The following XRCC5 variants were observed in gnomAD, a reference collection of about 807,000 sequenced individuals.
XRCC5 encodes the protein DNA repair protein Ku80.
Under a neutral mutation model 95.7 loss-of-function variants are expected in XRCC5, and 12 were observed. That is an observed-to-expected ratio of 0.13 (90% confidence interval 0.08 to 0.20). The LOEUF (loss-of-function observed/expected upper bound fraction) is 0.20. XRCC5 is among the 10% of genes least tolerant of loss of function. The pLI, the probability that XRCC5 is intolerant of heterozygous loss-of-function variation, is 1.00. For missense variants in XRCC5, 595 were observed against 873.9 expected, an observed-to-expected ratio of 0.68 and a Z score of 4.02; for synonymous variants, 281 against 290.3, an observed-to-expected ratio of 0.97 and a Z score of 0.33.
chr2:216,135,265 A>G (rs1697056642), intron 10 of XRCC5, among the ~76,000 whole-genome samples: 1 of 152,122 alleles, frequency 6.6e-6, no homozygotes, highest in Admixed American at 6.5e-5. Flanking sequence ...TGGAGAGGGT[A>G]TCAATTTACT....
At chr2:216,159,576 A>G (rs903906065) in intron 14 of XRCC5, among the ~76,000 whole-genome samples, 2 of 152,246 alleles carry the variant, frequency 1.3e-5, no homozygotes, top group African/African-American at 4.8e-5. Flanking sequence ...AAGTTTTGAC[A>G]GTTGTAAACA....
intron 13 of XRCC5, among the ~76,000 whole-genome samples, chr2:216,142,736 A>G (rs1253928130): frequency 6.6e-6 from 1 of 152,348 alleles, no homozygotes; most frequent in African/African-American, 2.4e-5. Context: ...TTCATGAAAC[A>G]TCTGTAACTA....
intron 16 of XRCC5, among the ~76,000 whole-genome samples, chr2:216,173,054 T>C (rs1254061047): frequency 1.3e-5 from 2 of 152,156 alleles, no homozygotes; most frequent in East Asian, 1.9e-4. Context: ...TGCTGGTATA[T>C]AGAAATGAAA....
chr2:216,109,492 G>T, intron 1 of XRCC5, 35 bp downstream of exon 1: 2 of 1,613,154 alleles, frequency 1.2e-6, no homozygotes, highest in South Asian at 2.2e-5. Context: ...GCTTTACCCG[G>T]ACTGGGGATC....
chr2:216,151,043 C>T (rs1035509191), intron 14 of XRCC5, among the ~76,000 whole-genome samples: 9 of 152,110 alleles, frequency 5.9e-5, no homozygotes, highest in South Asian at 2.1e-4. Flanking sequence ...AACGTCATTC[C>T]GTGGCCCAGG....
chr2:216,151,450 C>G (rs1377869448), intron 14 of XRCC5, among the ~76,000 whole-genome samples: 1 of 152,148 alleles, frequency 6.6e-6, no homozygotes, highest in Non-Finnish European at 1.5e-5. Flanking sequence ...ACGAAGACTC[C>G]TTCTCACTTA....
chr2:216,161,371 C>G (rs376801210), intron 15 of XRCC5, among the ~76,000 whole-genome samples: 1 of 152,136 alleles, frequency 6.6e-6, no homozygotes, highest in Admixed American at 6.5e-5. Flanking sequence ...TCAGAAAGTT[C>G]CATATAATAT....
intron 16 of XRCC5, among the ~76,000 whole-genome samples, chr2:216,185,667 TTTC>T (rs1299958086): frequency 6.7e-6 from 1 of 149,726 alleles, no homozygotes; most frequent in Non-Finnish European, 1.5e-5. Flanking sequence ...AATTTGTTTT[TTTC>T]TTTTCTTTTT....
At chr2:216,124,975 A>ACGTGG (rs1696879608) in intron 6 of XRCC5, among the ~76,000 whole-genome samples, 1 of 152,214 alleles carries the variant, frequency 6.6e-6, no homozygotes, top group Non-Finnish European at 1.5e-5. Flanking sequence ...CCCACCAGTA[A>ACGTGG]GAAACCTAGA....
chr2:216,155,889 C>T (rs1396339879), intron 14 of XRCC5, among the ~76,000 whole-genome samples: 2 of 151,966 alleles, frequency 1.3e-5, no homozygotes, highest in South Asian at 2.1e-4. Context: ...TAAAATACAA[C>T]GAGAAGGGCC....
intron 8 of XRCC5, among the ~76,000 whole-genome samples, chr2:216,129,580 A>G (rs1696949049): frequency 6.6e-6 from 1 of 152,242 alleles, no homozygotes; most frequent in African/African-American, 2.4e-5. Context: ...TTTAGGTACC[A>G]GTCTTAATCA....
At chr2:216,151,578 C>G (rs1375033607) in intron 14 of XRCC5, among the ~76,000 whole-genome samples, 1 of 152,178 alleles carries the variant, frequency 6.6e-6, no homozygotes, top group Non-Finnish European at 1.5e-5. Context: ...CATATCCTCT[C>G]AAAGCCTCAG....
At chr2:216,180,812 CT>C (rs112178335) in intron 16 of XRCC5, among the ~76,000 whole-genome samples, 3,912 of 140,510 alleles carry the variant, frequency 0.028, 148 homozygotes, top group African/African-American at 0.088. Context: ...CCTTGAGTAT[CT>C]TTTTTTTTTT....
At chr2:216,146,717 A>G (rs1222718999) in intron 13 of XRCC5, among the ~76,000 whole-genome samples, 11 of 152,138 alleles carry the variant, frequency 7.2e-5, no homozygotes, top group Non-Finnish European at 1.3e-4. Context: ...GACTTGAGGC[A>G]GGATAGGTGG....
At chr2:216,135,177 G>C (rs1276172080) in intron 10 of XRCC5, among the ~76,000 whole-genome samples, 1 of 152,122 alleles carries the variant, frequency 6.6e-6, no homozygotes, top group African/African-American at 2.4e-5. Flanking sequence ...AAGGTTAACC[G>C]TGATAGTGAG....
intron 2 of XRCC5, among the ~76,000 whole-genome samples, chr2:216,115,673 T>C (rs1175156089): frequency 1.3e-5 from 2 of 152,238 alleles, no homozygotes; most frequent in East Asian, 1.9e-4. Context: ...CAGGACTGTC[T>C]TTTGTGTCAG....
chr2:216,173,281 A>G (rs1399285037), intron 16 of XRCC5, among the ~76,000 whole-genome samples: 1 of 152,142 alleles, frequency 6.6e-6, no homozygotes, highest in African/African-American at 2.4e-5. Context: ...ATAAGAGTGA[A>G]CATCCTTGCC....
intron 16 of XRCC5, among the ~76,000 whole-genome samples, chr2:216,184,124 A>G (rs1374970280): frequency 6.6e-6 from 1 of 151,594 alleles, no homozygotes; most frequent in Non-Finnish European, 1.5e-5. Flanking sequence ...TTAAAATTTC[A>G]TAAGTACGTT....
intron 10 of XRCC5, among the ~76,000 whole-genome samples, chr2:216,135,415 G>A (rs1243298066): frequency 6.6e-6 from 1 of 152,166 alleles, no homozygotes; most frequent in African/African-American, 2.4e-5. Context: ...CAGAATAGAG[G>A]AACGACTGGA....
Sources: allele counts gnomAD v4.1 joint callset (sites outside exome capture counted in the v4.1 genomes callset), GRCh38; gene constraint gnomAD v4.1.1; transcripts MANE v1.5; gene names NCBI Gene and HGNC (gene_info 2026-07-23, HGNC 2026-07-21).